Variants in CALY observed in about 807,000 individuals in gnomAD.
CALY encodes neuron-specific vesicular protein calcyon.
Under a neutral mutation model 20.2 loss-of-function variants are expected in CALY, and 15 were observed. The observed-to-expected ratio is 0.74, with a 90% CI of 0.50 to 1.14. CALY has a LOEUF of 1.14. CALY is among the 50% of genes most tolerant of loss of function. The pLI is 0.00. For synonymous variants in CALY, 129 were observed against 131.8 expected (o/e 0.98, Z 0.15); for missense variants, 270 against 304.4 (o/e 0.89, Z 0.84).
intron 1 of CALY, among the ~76,000 whole-genome samples, chr10:133,329,392 C>CTTCTTCTTCTTCTTT (rs549430070): frequency 1.2e-3 from 159 of 137,448 alleles, no homozygotes; most frequent in African/African-American, 3.4e-3. Flanking sequence ...TCTTCTTCTT[C>CTTCTTCTTCTTCTTT]TTTTTTTTTT....
intron 1 of CALY, 56 bp downstream of exon 1, chr10:133,336,778 C>G (rs1056008485): frequency 6.5e-6 from 1 of 153,334 alleles, no homozygotes; most frequent in Non-Finnish European, 1.5e-5. Flanking sequence ...CCTCGCACCC[C>G]CGCACCCCTT....
chr10:133,328,340 G>A (rs531946034), intron 2 of CALY, among the ~76,000 whole-genome samples: 11 of 152,220 alleles, frequency 7.2e-5, no homozygotes, highest in Admixed American at 2.0e-4. Flanking sequence ...CTCCTGCCCC[G>A]GGTCCCCAGC....
At chr10:133,335,336 G>A (rs1328937516) in intron 1 of CALY, among the ~76,000 whole-genome samples, 1 of 152,164 alleles carries the variant, frequency 6.6e-6, no homozygotes, top group Non-Finnish European at 1.5e-5. Flanking sequence ...GCCACGCCCC[G>A]GAGGGCCCGC....
intron 1 of CALY, among the ~76,000 whole-genome samples, chr10:133,330,756 G>A (rs1221431066): frequency 6.7e-6 from 1 of 148,960 alleles, no homozygotes; most frequent in Non-Finnish European, 1.5e-5. Context: ...CCATTTACAG[G>A]GAAAGTAATG....
Position 133,325,745 on chromosome 10 carries a change from A to G in CALY, c.*28+54T>C, listed in dbSNP as rs906326766. The G allele has an allele frequency of 1.7e-5, 13 of 783,800 alleles. No individual in the cohort carries two copies. The African/African-American group carries it at 2.2e-4, about 13-fold the overall frequency. The allele number at this position is 783,800 out of a possible 1,614,324, so 48.6% of individuals were successfully genotyped here. On this transcript the variant is annotated intron_variant, in intron 5 of 5. Transcript: ENST00000252939. ...TCTTTGGCTCAGAAGCGGTGGCGGG[A>G]GGCCAGGAAGAGACCTGGGCAGAGC...
At chr10:133,327,111 C>T in intron 3 of CALY, 120 bp from the exon 4 acceptor site, 1 of 700,954 alleles carries the variant, frequency 1.4e-6, no homozygotes. Flanking sequence ...TGCCCCACCC[C>T]CGCCCTGGGC....
At chr10:133,330,304 G>C (rs1848281553) in intron 1 of CALY, among the ~76,000 whole-genome samples, 1 of 133,962 alleles carries the variant, frequency 7.5e-6, no homozygotes, top group Non-Finnish European at 1.5e-5. Context: ...AATGAGCCGA[G>C]ATCACGCCAC....
At chr10:133,329,376 C>T (rs183329025) in intron 1 of CALY, among the ~76,000 whole-genome samples, 1 of 142,704 alleles carries the variant, frequency 7.0e-6, no homozygotes, top group African/African-American at 2.7e-5. Context: ...TTCTTATTCT[C>T]CTTCTTCTTC....
intron 1 of CALY, among the ~76,000 whole-genome samples, chr10:133,334,782 G>A (rs1215373284): frequency 6.6e-6 from 1 of 152,062 alleles, no homozygotes; most frequent in Non-Finnish European, 1.5e-5. Context: ...AGGGGAGACA[G>A]GGCCCCCAGT....
intron 2 of CALY, among the ~76,000 whole-genome samples, chr10:133,328,375 A>G (rs1484399086): frequency 6.6e-6 from 1 of 152,138 alleles, no homozygotes. Flanking sequence ...CACCTCCAGC[A>G]GGGACAACTC....
intron 1 of CALY, among the ~76,000 whole-genome samples, chr10:133,329,563 T>G (rs1203371558): frequency 1.1e-4 from 17 of 151,890 alleles, no homozygotes; most frequent in Admixed American, 1.1e-3. Flanking sequence ...TTTTTAAAAT[T>G]TGTGTAGAGA....
At chr10:133,331,452 C>G (rs1848306102) in intron 1 of CALY, among the ~76,000 whole-genome samples, 1 of 152,154 alleles carries the variant, frequency 6.6e-6, no homozygotes, top group Non-Finnish European at 1.5e-5. Context: ...ATTCAGAAAT[C>G]AGTTACATTC....
At position 133,324,956 on chromosome 10, in the gene CALY, A is replaced by T. The variant is rs1848179378; in HGVS notation, c.*639T>A. 2 of 197,672 alleles carry T rather than the reference A, an allele frequency of 1.0e-5. No individual in the cohort carries two copies. The highest frequency in any genetic ancestry group is 1.5e-4 in the South Asian group (2 of 13,562). The allele number at this position is 197,672 out of a possible 1,614,324, so 12.2% of individuals were successfully genotyped here. On this transcript the variant is annotated 3_prime_UTR_variant, in exon 6 of 6. Coordinates refer to ENST00000252939, the MANE Select transcript of CALY (RefSeq NM_015722.4). ...GACGCCCCCATTCACTCCTTTCTTC[A>T]CTTGGTCATTTATGCCTGTGGGCCA...
chr10:133,327,840 C>T, intron 3 of CALY, 65 bp downstream of exon 3: 1 of 1,096,652 alleles, frequency 9.1e-7, no homozygotes, highest in Non-Finnish European at 1.4e-6. Flanking sequence ...CCAGGCACCC[C>T]CAGCTGCCTT....
chr10:133,336,587 T>A (rs1435185743), intron 1 of CALY, among the ~76,000 whole-genome samples: 1 of 151,950 alleles, frequency 6.6e-6, no homozygotes, highest in Non-Finnish European at 1.5e-5. Context: ...GTCCGCGGGG[T>A]CGGACTGGCC....
chr10:133,325,986 C>A lies in CALY; in HGVS notation c.495G>T (p.Trp165Cys). Residue 165 changes from tryptophan to cysteine, a missense_variant, in exon 5 of 6, where the codon TGG becomes TGT. Trp to Cys is a radical substitution (Grantham distance 215). Transcript: ENST00000252939. ...RKHGTETPAA[W>C]GDGYRAAKEE... is the part of the protein sequence containing the mutation. ...CCTTGGCTGCGCGGTAGCCGTCCCC[C>A]CAGGCCGCCGGCGTCTCCGTGCCGT... The A allele has an allele frequency of 1.9e-6, 3 of 1,557,702 alleles. No homozygotes were observed. Among genetic ancestry groups the A allele is most frequent in the Non-Finnish European group, 2.6e-6 (3 of 1,150,878 alleles).
At chr10:133,336,103 G>A (rs1848437761) in intron 1 of CALY, among the ~76,000 whole-genome samples, 2 of 152,078 alleles carry the variant, frequency 1.3e-5, no homozygotes, top group African/African-American at 4.8e-5. Context: ...TGAGGGTCCC[G>A]CCCAGCCCCC....
chr10:133,335,100 G>A (rs925470977), intron 1 of CALY, among the ~76,000 whole-genome samples: 4 of 151,062 alleles, frequency 2.6e-5, no homozygotes, highest in African/African-American at 9.9e-5. Flanking sequence ...GAGCAGCGGA[G>A]GGCCGAGAGG....
At chr10:133,332,394 A>T in intron 1 of CALY, among the ~76,000 whole-genome samples, 1 of 152,220 alleles carries the variant, frequency 6.6e-6, no homozygotes, top group African/African-American at 2.4e-5. Flanking sequence ...AAGCAAAACA[A>T]TAAAGCATCT....
Sources: allele counts gnomAD v4.1 joint callset (sites outside exome capture counted in the v4.1 genomes callset), GRCh38; gene constraint gnomAD v4.1.1; transcripts MANE v1.5; gene names NCBI Gene and HGNC (gene_info 2026-07-23, HGNC 2026-07-21).